ASB7: variants seen among roughly 807,000 people sequenced by gnomAD.
The protein encoded by ASB7 is ankyrin repeat and SOCS box protein 7.
In ASB7, 4 loss-of-function variants were observed where a neutral mutation model predicts 32.5. The ratio of observed to expected loss-of-function variants is 0.12; its 90% CI spans 0.06 to 0.28. The LOEUF (loss-of-function observed/expected upper bound fraction) is 0.28, where lower values mean the gene tolerates loss of function less well. ASB7 is among the 10% of genes least tolerant of loss of function. ASB7 has a pLI of 1.00. For missense variants in ASB7, 181 were observed against 407.1 expected (o/e 0.44, Z 4.78); for synonymous variants, 172 against 155.6 (o/e 1.11, Z -0.78).
At chr15:100,636,823 T>C (rs980582189) in intron 5 of ASB7, among the ~76,000 whole-genome samples, 1 of 151,962 alleles carries the variant, frequency 6.6e-6, no homozygotes, top group Non-Finnish European at 1.5e-5. Flanking sequence ...TTCTCAAGAT[T>C]GTTTTAGGTG....
intron 4 of ASB7, among the ~76,000 whole-genome samples, chr15:100,614,483 C>G (rs773396784): frequency 6.6e-6 from 1 of 151,932 alleles, no homozygotes. Flanking sequence ...CTTTGTGTGC[C>G]GTACTGGCTT....
At position 100,633,502 on chromosome 15, in the gene ASB7, A is replaced by T. The variant is rs552345439; in HGVS notation, c.817+3460A>T. Among the ~76,000 whole-genome samples the T allele has an allele frequency of 2.0e-4, 30 of 152,200 alleles. No homozygotes were observed. The South Asian group carries it at 6.2e-3, about 32-fold the overall frequency. ...TGAGGCAGGAGAATCGCTTGAACCC[A>T]GGAGGCAGAGGTTGCAGTGAGCCAA... On this transcript the variant is annotated intron_variant, in intron 5 of 5. Coordinates refer to ENST00000332783, the MANE Select transcript of ASB7 (RefSeq NM_198243.3).
At chr15:100,632,850 A>G (rs530120303) in intron 5 of ASB7, among the ~76,000 whole-genome samples, 1 of 99,842 alleles carries the variant, frequency 1.0e-5, no homozygotes, top group African/African-American at 4.3e-5. Flanking sequence ...TCTGATCTAT[A>G]TAGTGCAAAA....
At chr15:100,606,385 A>G (rs2039645234) in intron 2 of ASB7, among the ~76,000 whole-genome samples, 1 of 152,216 alleles carries the variant, frequency 6.6e-6, no homozygotes, top group Non-Finnish European at 1.5e-5. Context: ...AAATGTGTGG[A>G]CTTTTAATGA....
intron 3 of ASB7, among the ~76,000 whole-genome samples, chr15:100,610,703 T>C (rs1316145418): frequency 6.6e-6 from 1 of 152,248 alleles, no homozygotes; most frequent in African/African-American, 2.4e-5. Flanking sequence ...AAGTTTACTT[T>C]TGTACAGTCT....
At chr15:100,603,124 G>A in intron 1 of ASB7, 78 bp downstream of exon 1, 1 of 397,846 alleles carries the variant, frequency 2.5e-6, no homozygotes, top group Non-Finnish European at 4.4e-6. Context: ...GCTTTTTCTT[G>A]CCTGCCCTTG....
chr15:100,646,246 C>T (rs1043105051), intron 5 of ASB7: 1 of 398,204 alleles, frequency 2.5e-6, no homozygotes, highest in Non-Finnish European at 5.0e-6. Flanking sequence ...ATCCATGTGT[C>T]CCACAATTGT....
intron 4 of ASB7, 91 bp downstream of exon 4, chr15:100,612,518 C>T (rs2039706003): frequency 5.0e-6 from 6 of 1,200,958 alleles, no homozygotes; most frequent in South Asian, 1.3e-5. Flanking sequence ...TTTAATGCTT[C>T]TCTTCTGTTA....
rs886521800 is a variant in ASB7 at position 100,603,306 on chromosome 15, C to T, written c.-181C>T. 1.0e-5 allele frequency: 3 copies of T among 287,562 alleles called. No individual in the cohort carries two copies. The highest frequency in any genetic ancestry group is 1.2e-4 in the East Asian group (2 of 16,622). 17.8% of individuals were successfully genotyped at this position (287,562 alleles called of 1,614,324 possible). On this transcript the variant is annotated 5_prime_UTR_variant, in exon 2 of 6. Coordinates refer to ENST00000332783, the MANE Select transcript of ASB7 (RefSeq NM_198243.3). ...GCACAGTGCCTCTGACCAGCATCGT[C>T]TGTAAAGGTAATGAGCCAGCCCTCC...
chr15:100,647,403 G>T (rs2040003911), intron 5 of ASB7, among the ~76,000 whole-genome samples: 1 of 152,190 alleles, frequency 6.6e-6, no homozygotes, highest in Non-Finnish European at 1.5e-5. Context: ...ATGGCGCAGA[G>T]TAAGTATTCA....
intron 5 of ASB7, among the ~76,000 whole-genome samples, chr15:100,640,778 G>A (rs1015064759): frequency 2.6e-5 from 4 of 152,150 alleles, no homozygotes; most frequent in African/African-American, 7.2e-5. Context: ...TCACAGGGAG[G>A]TGATTTAGGA....
chr15:100,623,816 C>CT (rs1177719206), intron 4 of ASB7, among the ~76,000 whole-genome samples: 1 of 152,114 alleles, frequency 6.6e-6, no homozygotes, highest in Non-Finnish European at 1.5e-5. Flanking sequence ...AATAGAAATA[C>CT]TATATAATCC....
chr15:100,625,721 T>C (rs2141397465), intron 4 of ASB7, among the ~76,000 whole-genome samples: 1 of 152,276 alleles, frequency 6.6e-6, no homozygotes, highest in East Asian at 1.9e-4. Flanking sequence ...ATCCCAAATA[T>C]TAATAATTTT....
In ASB7 at chr15:100,602,655, C is replaced by T. The variant is rs1219080432; in HGVS notation, c.-664C>T. The T allele has an allele frequency of 1.1e-5, 3 of 263,544 alleles. No homozygotes were observed. The highest frequency in any genetic ancestry group is 2.1e-5 in the Non-Finnish European group (3 of 141,396). 16.3% of individuals were successfully genotyped at this position (263,544 alleles called of 1,614,324 possible). Reference sequence around the variant, plus strand: ...AGTGCAAAGTGCATCCCGAAAGCCCCCTGTCCGGAGACCCCACGGCTGGCA... The same window carrying T: ...AGTGCAAAGTGCATCCCGAAAGCCCTCTGTCCGGAGACCCCACGGCTGGCA... On this transcript the variant is annotated 5_prime_UTR_variant, in exon 1 of 6. Transcript: ENST00000332783.
rs187974284 is a variant in ASB7, at chr15:100,622,511, C to T, written c.212-6926C>T. 2.6e-3 allele frequency among the ~76,000 whole-genome samples: 394 copies of T among 152,232 alleles called. 1 individual carries two copies. The highest frequency in any genetic ancestry group is 8.9e-3 in the African/African-American group (371 of 41,536). On this transcript the variant is annotated intron_variant, in intron 4 of 5. Transcript: ENST00000332783. Reference sequence around the variant, plus strand: ...CCCAAATAGCTGAAGCAATCCTGAGCAAAAGGGACAAAGCTGGAGGCATCA... The same window carrying T: ...CCCAAATAGCTGAAGCAATCCTGAGTAAAAGGGACAAAGCTGGAGGCATCA...
intron 5 of ASB7, among the ~76,000 whole-genome samples, chr15:100,633,854 C>G (rs963464240): frequency 1.3e-5 from 2 of 152,102 alleles, no homozygotes; most frequent in African/African-American, 4.8e-5. Flanking sequence ...GGCTCGTGCA[C>G]ACAAAGTGGA....
chr15:100,630,092 TCTG>T (rs1201763457), intron 5 of ASB7, 50 bp downstream of exon 5: 1 of 1,472,206 alleles, frequency 6.8e-7, no homozygotes, highest in East Asian at 2.4e-5. Flanking sequence ...ATTTGCATCT[TCTG>T]AGGAGCTTAA....
At chr15:100,645,686 C>A (rs905844248) in intron 5 of ASB7, 13 of 1,512,400 alleles carry the variant, frequency 8.6e-6, no homozygotes, top group Middle Eastern at 1.8e-4. Context: ...CACGAAAGAA[C>A]CATCTTTAGT....
At chr15:100,605,338 C>T (rs1181971169) in intron 2 of ASB7, among the ~76,000 whole-genome samples, 1 of 152,002 alleles carries the variant, frequency 6.6e-6, no homozygotes, top group Admixed American at 6.5e-5. Context: ...ATTCTATTGC[C>T]AATCATGTGG....
Sources: allele counts gnomAD v4.1 joint callset (sites outside exome capture counted in the v4.1 genomes callset), GRCh38; gene constraint gnomAD v4.1.1; transcripts MANE v1.5; gene names NCBI Gene and HGNC (gene_info 2026-07-23, HGNC 2026-07-21).